Variants in TANC2 observed in about 807,000 individuals in gnomAD.
TANC2 encodes tetratricopeptide repeat, ankyrin repeat and coiled-coil containing 2, also known as protein TANC2.
A neutral mutation model predicts 210.5 loss-of-function variants in TANC2; 26 were observed. The observed-to-expected ratio is 0.12, with a 90% CI of 0.09 to 0.17. The LOEUF (loss-of-function observed/expected upper bound fraction) is 0.17. Ranked by LOEUF, TANC2 falls within the 10% of genes least tolerant of loss-of-function variation. TANC2 has a pLI of 1.00. For missense variants in TANC2, 2,129 were observed against 2,608.9 expected, an observed-to-expected ratio of 0.82 and a Z score of 4.01; for synonymous variants, 931 against 967.1, an observed-to-expected ratio of 0.96 and a Z score of 0.69.
intron 3 of TANC2, among the ~76,000 whole-genome samples, chr17:63,079,240 A>G (rs2144699758): frequency 6.6e-6 from 1 of 152,324 alleles, no homozygotes; most frequent in Non-Finnish European, 1.5e-5. Context: ...CTAACCAGAA[A>G]GAGAAGACTT....
At chr17:63,307,905 A>G (rs1447982369) in intron 9 of TANC2, among the ~76,000 whole-genome samples, 1 of 152,198 alleles carries the variant, frequency 6.6e-6, no homozygotes, top group East Asian at 1.9e-4. Flanking sequence ...AGCTGGGACT[A>G]CAGGCGCCCG....
intron 1 of TANC2, among the ~76,000 whole-genome samples, chr17:62,975,180 C>G (rs1436151875): frequency 1.3e-5 from 2 of 152,180 alleles, no homozygotes; most frequent in African/African-American, 2.4e-5. Context: ...AATCTCAGAT[C>G]TCAGGCAATT....
At chr17:63,305,659 A>G (rs1268503740) in intron 9 of TANC2, 1 of 152,262 alleles carries the variant, frequency 6.6e-6, no homozygotes, top group Non-Finnish European at 1.5e-5. Flanking sequence ...AGTGTAAGTC[A>G]GTGTATAATT....
At chr17:62,999,203 C>T (rs1020345443) in intron 1 of TANC2, among the ~76,000 whole-genome samples, 1 of 152,168 alleles carries the variant, frequency 6.6e-6, no homozygotes, top group Non-Finnish European at 1.5e-5. Flanking sequence ...GCACCTCCCC[C>T]CAACACACAC....
chr17:63,288,744 A>T (rs574179204), intron 9 of TANC2, among the ~76,000 whole-genome samples: 86 of 152,320 alleles, frequency 5.6e-4, no homozygotes, highest in Admixed American at 1.5e-3. Flanking sequence ...GAATAAAAAA[A>T]AAATAAAAGT....
intron 2 of TANC2, among the ~76,000 whole-genome samples, chr17:63,018,250 G>A (rs2034194193): frequency 1.3e-5 from 2 of 152,158 alleles, no homozygotes; most frequent in Admixed American, 6.5e-5. Context: ...CAGCCCTTTG[G>A]GAGGCTGATG....
rs181866192 is a variant in TANC2 at position 63,312,671 on chromosome 17, C to T, written c.1160-1717C>T. Among the ~76,000 whole-genome samples the T allele has an allele frequency of 2.4e-4, 36 of 152,292 alleles. 1 individual carries two copies. The highest frequency in any genetic ancestry group is 4.0e-4 in the Non-Finnish European group (27 of 68,002). On this transcript the variant is annotated intron_variant, in intron 9 of 27. Transcript: ENST00000689528. ...ATTCATACCCCAAACCTCAGCATCA[C>T]ACACTATACCCAGATAACAAATCTG...
At chr17:63,120,224 C>T (rs556938530) in intron 4 of TANC2, among the ~76,000 whole-genome samples, 2 of 151,232 alleles carry the variant, frequency 1.3e-5, no homozygotes, top group South Asian at 2.1e-4. Flanking sequence ...GTATATTAAC[C>T]TATTTGTTTG....
intron 2 of TANC2, among the ~76,000 whole-genome samples, chr17:63,030,147 A>G (rs1259376419): frequency 6.6e-6 from 1 of 152,104 alleles, no homozygotes; most frequent in Non-Finnish European, 1.5e-5. Flanking sequence ...TATTTATTAA[A>G]CTTGAACTTT....
At chr17:63,121,630 A>G (rs1189312834) in intron 4 of TANC2, among the ~76,000 whole-genome samples, 1 of 151,710 alleles carries the variant, frequency 6.6e-6, no homozygotes, top group Non-Finnish European at 1.5e-5. Context: ...TTTTTATTTT[A>G]TAATAAAAAT....
rs1358998756 is a variant in TANC2 at position 63,044,535 on chromosome 17, T to G, written c.68-29408T>G. Among the ~76,000 whole-genome samples, 4 of 152,290 alleles carry G rather than the reference T, an allele frequency of 2.6e-5. No individual in the cohort carries two copies. In the South Asian group the frequency reaches 8.3e-4, roughly 32 times the overall value. ...ATGAATTTGAATTTTCTGGTCTTTT[T>G]TGTGTGTGTGATCATAAATAATGTT... On this transcript the variant is annotated intron_variant, in intron 2 of 27. Transcript: ENST00000689528.
intron 11 of TANC2, among the ~76,000 whole-genome samples, chr17:63,324,306 A>G (rs1294346567): frequency 6.6e-6 from 1 of 152,226 alleles, no homozygotes; most frequent in African/African-American, 2.4e-5. Context: ...AAAAAAAGTA[A>G]ATGTCATCCT....
intron 9 of TANC2, among the ~76,000 whole-genome samples, chr17:63,305,999 T>G (rs2044889578): frequency 6.6e-6 from 1 of 152,170 alleles, no homozygotes; most frequent in South Asian, 2.1e-4. Context: ...GAGCTTAGCT[T>G]AGATTTGATA....
chr17:63,316,981 TAA>T (rs1485610714), intron 10 of TANC2, among the ~76,000 whole-genome samples: 2 of 151,530 alleles, frequency 1.3e-5, no homozygotes, highest in Non-Finnish European at 2.9e-5. Flanking sequence ...AAACTTAATA[TAA>T]GTTATTATAT....
intron 9 of TANC2, among the ~76,000 whole-genome samples, chr17:63,305,840 C>G (rs529582570): frequency 1.3e-5 from 2 of 152,166 alleles, no homozygotes; most frequent in Non-Finnish European, 2.9e-5. Flanking sequence ...ACAACCTGCC[C>G]TAAGGCACAG....
intron 8 of TANC2, among the ~76,000 whole-genome samples, chr17:63,265,341 C>G (rs148182519): frequency 1.3e-5 from 2 of 152,286 alleles, no homozygotes; most frequent in Middle Eastern, 3.4e-3. Context: ...CCAGGTATTT[C>G]AGGGAAGGGA....
intron 8 of TANC2, among the ~76,000 whole-genome samples, chr17:63,267,542 A>G (rs2043566543): frequency 6.6e-6 from 1 of 152,186 alleles, no homozygotes; most frequent in Admixed American, 6.5e-5. Flanking sequence ...TAAAGTAGCA[A>G]GTGAAATGAA....
intron 4 of TANC2, among the ~76,000 whole-genome samples, chr17:63,128,173 T>A (rs2038782011): frequency 6.6e-6 from 1 of 152,102 alleles, no homozygotes; most frequent in Non-Finnish European, 1.5e-5. Flanking sequence ...AGTAAGGTGC[T>A]AAAAAAATGC....
At chr17:63,348,990 G>A (rs371323276) in intron 12 of TANC2, among the ~76,000 whole-genome samples, 23 of 151,974 alleles carry the variant, frequency 1.5e-4, no homozygotes, top group Middle Eastern at 3.4e-3. Flanking sequence ...TGCATTTATC[G>A]TTCTGAATCC....
Sources: allele counts gnomAD v4.1 joint callset (sites outside exome capture counted in the v4.1 genomes callset), GRCh38; gene constraint gnomAD v4.1.1; transcripts MANE v1.5; gene names NCBI Gene and HGNC (gene_info 2026-07-23, HGNC 2026-07-21).